Variants in PLXDC1 observed in about 807,000 individuals in gnomAD.
PLXDC1 encodes the protein plexin domain-containing protein 1.
Under a neutral mutation model 61.3 loss-of-function variants are expected in PLXDC1, and 39 were observed. The ratio of observed to expected loss-of-function variants is 0.64; its 90% CI spans 0.49 to 0.83. PLXDC1 has a LOEUF of 0.83. Ranked by LOEUF, PLXDC1 falls within the 40% of genes least tolerant of loss-of-function variation. The probability of loss-of-function intolerance (pLI) is 0.00; values close to 1 mark genes in which losing one functional copy is unlikely to be tolerated. For missense variants in PLXDC1, 596 were observed against 666.5 expected (o/e 0.89, Z 1.17); for synonymous variants, 212 against 254.5 (o/e 0.83, Z 1.59).
intron 5 of PLXDC1, 111 bp downstream of exon 5, chr17:39,108,012 T>A: frequency 7.2e-7 from 1 of 1,382,960 alleles, no homozygotes; most frequent in African/African-American, 1.4e-5. Flanking sequence ...AGGTGGCTGC[T>A]TTGCCGTGGG....
chr17:39,085,634 C>T (rs755716514), intron 8 of PLXDC1, among the ~76,000 whole-genome samples: 4 of 152,094 alleles, frequency 2.6e-5, no homozygotes, highest in Non-Finnish European at 5.9e-5. Context: ...CACCCCAGGC[C>T]ACTTTTTTAT....
At chr17:39,102,165 G>C (rs2143624771) in intron 7 of PLXDC1, among the ~76,000 whole-genome samples, 1 of 152,218 alleles carries the variant, frequency 6.6e-6, no homozygotes, top group Non-Finnish European at 1.5e-5. Flanking sequence ...GTGCTAACCA[G>C]CCTTTACTGG....
At chr17:39,104,809 T>C (rs1910539081) in intron 7 of PLXDC1, among the ~76,000 whole-genome samples, 1 of 151,744 alleles carries the variant, frequency 6.6e-6, no homozygotes, top group Admixed American at 6.6e-5. Flanking sequence ...GCTCAGATAC[T>C]GAATGCCTCA....
intron 2 of PLXDC1, among the ~76,000 whole-genome samples, chr17:39,139,087 C>T (rs1258171323): frequency 6.6e-6 from 1 of 152,186 alleles, no homozygotes; most frequent in Non-Finnish European, 1.5e-5. Flanking sequence ...TCCCGGAAAC[C>T]CTGAGAGAAG....
In PLXDC1 at chr17:39,067,795, T is replaced by C. The variant is rs1908950995; in HGVS notation, c.*45A>G. 7.6e-6 allele frequency: 12 copies of C among 1,575,750 alleles called. No individual in the cohort carries two copies. The highest frequency in any genetic ancestry group is 1.0e-5 in the Non-Finnish European group (12 of 1,153,174). ...TCACTTCTCTTCTTTGCTTTAACTG[T>C]CTTTTCTGTGGCCTCAAAGTCTTCA... is the stretch of plus-strand genomic sequence containing the variant. On this transcript the variant is annotated 3_prime_UTR_variant, in exon 14 of 14. Transcript: ENST00000315392.
chr17:39,068,039 A>G, intron 13 of PLXDC1, 80 bp from the exon 14 acceptor site: 1 of 1,400,342 alleles, frequency 7.1e-7, no homozygotes, highest in Non-Finnish European at 9.9e-7. Flanking sequence ...GACAGAGCCA[A>G]CCAAGACTGT....
chr17:39,140,818 T>C (rs1911913694), intron 1 of PLXDC1, among the ~76,000 whole-genome samples: 1 of 152,242 alleles, frequency 6.6e-6, no homozygotes, highest in Non-Finnish European at 1.5e-5. Context: ...TATTGACATT[T>C]GGACTGGATA....
intron 12 of PLXDC1, 29 bp from the exon 13 acceptor site, chr17:39,070,045 GGCT>G: frequency 6.3e-7 from 1 of 1,589,826 alleles, no homozygotes; most frequent in Non-Finnish European, 8.6e-7. Flanking sequence ...GGCAGACAGG[GGCT>G]GCAGGGGAGC....
At position 39,138,454 on chromosome 17, in the gene PLXDC1, A is replaced by G. The variant is rs541960626; in HGVS notation, c.255+1200T>C. Among the ~76,000 whole-genome samples the G allele has an allele frequency of 3.9e-5, 6 of 152,294 alleles. No homozygotes were observed. The Middle Eastern group carries it at 0.017, about 432-fold the overall frequency. On this transcript the variant is annotated intron_variant, in intron 2 of 13. Transcript: ENST00000315392. ...CAACCGAGCACACGGATTGAACAGG[A>G]AGATTGGGCGGCAGGGTGAAAGGTT...
At position 39,151,291 on chromosome 17, in the gene PLXDC1, C is replaced by T. The variant is rs1174894428; in HGVS notation, c.76+71G>A. On this transcript the variant is annotated intron_variant, in intron 1 of 13. Coordinates refer to ENST00000315392, the MANE Select transcript of PLXDC1 (RefSeq NM_020405.5). This position sits in a 1 kb window ranked among gnomAD's most constrained non-coding sequence, Gnocchi z 5.2. ...GACATCGCCAGGCCGTCCACACCTG[C>T]CCATGCCCACACCTGACTGCCCGTC... 29 of 1,140,774 alleles carry T rather than the reference C, an allele frequency of 2.5e-5. No individual in the cohort carries two copies. The highest frequency in any genetic ancestry group is 2.9e-5 in the Non-Finnish European group (26 of 897,800). The allele number at this position is 1,140,774 out of a possible 1,614,324, so 70.7% of individuals were successfully genotyped here. A position where few individuals can be genotyped will look rare whatever the true frequency, so the allele number is the denominator to read the frequency against.
chr17:39,113,518 G>A (rs922311334), intron 2 of PLXDC1, among the ~76,000 whole-genome samples: 7 of 152,052 alleles, frequency 4.6e-5, no homozygotes, highest in African/African-American at 1.7e-4. Context: ...CGCCCCTTCC[G>A]CCATTCCCTT....
At chr17:39,098,669 G>T (rs1026180022) in intron 7 of PLXDC1, among the ~76,000 whole-genome samples, 1 of 152,204 alleles carries the variant, frequency 6.6e-6, no homozygotes. Flanking sequence ...AGAGGAAGCC[G>T]TGAATTCCAC....
At chr17:39,122,173 T>G (rs1432476059) in intron 2 of PLXDC1, among the ~76,000 whole-genome samples, 3 of 139,926 alleles carry the variant, frequency 2.1e-5, no homozygotes, top group Non-Finnish European at 4.6e-5. Context: ...GAGGCCGAGG[T>G]AGGCGGATCA....
chr17:39,128,463 G>A (rs373694697), intron 2 of PLXDC1, among the ~76,000 whole-genome samples: 7 of 151,104 alleles, frequency 4.6e-5, no homozygotes, highest in South Asian at 4.2e-4. Context: ...CAGATGATCC[G>A]CCCACCCAGG....
At chr17:39,122,592 G>A (rs568543902) in intron 2 of PLXDC1, among the ~76,000 whole-genome samples, 1 of 152,176 alleles carries the variant, frequency 6.6e-6, no homozygotes, top group East Asian at 1.9e-4. Flanking sequence ...ATATTGATGT[G>A]CCTCTTAAAA....
chr17:39,073,102 G>A (rs62076606), intron 11 of PLXDC1: 6,479 of 155,118 alleles, frequency 0.042, 137 homozygotes, highest in East Asian at 0.093. Flanking sequence ...AGGCTGGAGT[G>A]CAGTGGTACA....
chr17:39,077,431 A>C (rs1055573495), intron 11 of PLXDC1, among the ~76,000 whole-genome samples: 95 of 152,244 alleles, frequency 6.2e-4, no homozygotes, highest in African/African-American at 2.3e-3. Context: ...GCTGAGGTGG[A>C]ATTCCCCATC....
At chr17:39,128,122 T>G (rs1171870000) in intron 2 of PLXDC1, among the ~76,000 whole-genome samples, 1 of 112,756 alleles carries the variant, frequency 8.9e-6, no homozygotes, top group African/African-American at 3.9e-5. Flanking sequence ...TATGTATATA[T>G]ATATGTGTAT....
chr17:39,114,301 C>G (rs1050632578), intron 2 of PLXDC1, among the ~76,000 whole-genome samples: 2 of 152,218 alleles, frequency 1.3e-5, no homozygotes, highest in Non-Finnish European at 2.9e-5. Context: ...GGAATCACCA[C>G]ACAGTTGTCT....
Sources: gnomAD v4.1 joint callset for allele counts (sites outside exome capture counted in the v4.1 genomes callset) on GRCh38, gnomAD v4.1.1 for gene constraint, Gnocchi (gnomAD v3.1) non-coding constraint, MANE v1.5 for transcripts, NCBI Gene and HGNC (gene_info 2026-07-23, HGNC 2026-07-21) for gene names.